PCNX3: variants seen among roughly 807,000 people sequenced by gnomAD.
PCNX3 encodes the protein pecanex 3.
Under a neutral mutation model 207.2 loss-of-function variants are expected in PCNX3, and 58 were observed. The observed-to-expected ratio is 0.28, with a 90% CI of 0.23 to 0.35. The LOEUF (loss-of-function observed/expected upper bound fraction) is 0.35. PCNX3 is among the 10% of genes least tolerant of loss of function. PCNX3 has a pLI of 1.00. For synonymous variants in PCNX3, 1,337 were observed against 1,183.5 expected (o/e 1.13, Z -2.66); for missense variants, 2,410 against 2,774.4 (o/e 0.87, Z 2.95).
At chr11:65,622,031 C>T (rs1172537750) in intron 10 of PCNX3, among the ~76,000 whole-genome samples, 1 of 152,128 alleles carries the variant, frequency 6.6e-6, no homozygotes, top group East Asian at 1.9e-4. Context: ...GTCCTGGGAA[C>T]CTGGAGAGAG....
In PCNX3 at chr11:65,635,505, C is replaced by T. The variant is rs1855795904; in HGVS notation, c.5185-24C>T. 1.9e-6 allele frequency: 3 copies of T among 1,607,962 alleles called. No individual in the cohort carries two copies. The highest frequency in any genetic ancestry group is 3.3e-5 in the Admixed American group (2 of 59,876). Reference sequence around the variant, plus strand: ...CCCCAAACCCCCTTGGGCCGGCCCCCTGACCCTGGCGTGTGGCTCTCAGGT... The same window carrying T: ...CCCCAAACCCCCTTGGGCCGGCCCCTTGACCCTGGCGTGTGGCTCTCAGGT... On this transcript the variant is annotated intron_variant, in intron 31 of 34. Transcript: ENST00000355703. This position sits in a 1 kb window ranked among gnomAD's most constrained non-coding sequence, Gnocchi z 9.9.
At chr11:65,626,191 C>T in intron 20 of PCNX3, 137 bp downstream of exon 20, 1 of 1,225,770 alleles carries the variant, frequency 8.2e-7, no homozygotes, top group South Asian at 1.3e-5. Context: ...TGCTCCCTCC[C>T]TGCCCTCTGT....
chr11:65,637,174 A>C lies in PCNX3; in HGVS notation c.*196A>C. The C allele has an allele frequency of 3.1e-6, 2 of 635,188 alleles. No homozygotes were observed. Among genetic ancestry groups the C allele is most frequent in the Non-Finnish European group, 2.7e-6 (1 of 373,240 alleles). The allele number at this position is 635,188 out of a possible 1,614,324, so 39.3% of individuals were successfully genotyped here. On this transcript the variant is annotated 3_prime_UTR_variant, in exon 35 of 35. Coordinates refer to ENST00000355703, the MANE Select transcript of PCNX3 (RefSeq NM_032223.4). ...CCCTGATCTCTCTCATCCCCAGTCCAGGGCCTGGGCTCCCCAGATGGAGGC... is the reference window on the plus strand; with the variant it reads ...CCCTGATCTCTCTCATCCCCAGTCCCGGGCCTGGGCTCCCCAGATGGAGGC...
rs373145171 is a variant in PCNX3 at position 65,620,940 on chromosome 11, C to T, written c.2209C>T (p.Arg737Cys). 4.1e-5 allele frequency: 63 copies of T among 1,551,108 alleles called. No individual in the cohort carries two copies. The highest frequency in any genetic ancestry group is 2.7e-5 in the African/African-American group (2 of 73,136). The change falls in exon 10 of 35, where the codon CGC becomes TGC. Residue 737 changes from arginine (R) to cysteine (C), a missense_variant. This residue lies in a region of PCNX3 where 177 missense variants were observed against 257.5 expected (regional missense o/e 0.69). Transcript: ENST00000355703. The stretch of plus-strand genomic sequence containing the variant: ...TGTGGTTCTGCAGGGCATGCAGGTG[C>T]GCCGGGTGCCCCTGGAGATCCCGGA... ...RPVVLQGMQV[R>C]RVPLEIPEEQ...
chr11:65,623,900 A>G (rs1192177964), intron 12 of PCNX3, 29 bp from the exon 13 acceptor site: 1 of 1,612,542 alleles, frequency 6.2e-7, no homozygotes, highest in Non-Finnish European at 8.5e-7. Flanking sequence ...CATCGGCTCT[A>G]GTTGCCAACG....
intron 10 of PCNX3, among the ~76,000 whole-genome samples, chr11:65,621,689 C>CCAGGG (rs1366895409): frequency 6.6e-6 from 1 of 152,222 alleles, no homozygotes; most frequent in South Asian, 2.1e-4. Context: ...TCCTTGGATC[C>CCAGGG]CAGGGCAGGG....
chr11:65,636,025 C>T (rs1328420290), intron 32 of PCNX3, 149 bp from the exon 33 acceptor site: 9 of 1,317,368 alleles, frequency 6.8e-6, no homozygotes, highest in East Asian at 2.5e-5. Context: ...TCAAAAGACT[C>T]TGCAAAGTAG....
chr11:65,623,838 A>G lies in PCNX3; in HGVS notation c.2512-91A>G, dbSNP rs1239039151. On this transcript the variant is annotated intron_variant, in intron 12 of 34. Transcript: ENST00000355703. ...CGGGGGCCTGACCTGGTCACTCATA[A>G]CTGCCTAGTGGTGGAGCTGAACAGG... is the stretch of plus-strand genomic sequence containing the variant. 3.2e-6 allele frequency: 5 copies of G among 1,586,410 alleles called. No individual in the cohort carries two copies. The Admixed American group carries it at 8.4e-5, about 27-fold the overall frequency.
chr11:65,636,757 C>G lies in PCNX3; in HGVS notation c.5893-9C>G, dbSNP rs756712326. On this transcript the variant is annotated splice_polypyrimidine_tract_variant and intron_variant, in intron 34 of 34. Coordinates refer to ENST00000355703, the MANE Select transcript of PCNX3 (RefSeq NM_032223.4). The stretch of plus-strand genomic sequence containing the variant: ...CTGCTCACCCGCCAACCTCTCCCCC[C>G]TCCCCCAGGCGCCTCTAGACCTCAG... The G allele has an allele frequency of 7.8e-6, 12 of 1,545,586 alleles. No homozygotes were observed. Among genetic ancestry groups the G allele is most frequent in the South Asian group, 1.2e-5 (1 of 83,940 alleles).
In PCNX3 at chr11:65,635,911, G is replaced by A. The variant is rs987205384; in HGVS notation, c.5459+108G>A. 11 of 1,418,432 alleles carry A rather than the reference G, an allele frequency of 7.8e-6. No homozygotes were observed. Among genetic ancestry groups the A allele is most frequent in the Admixed American group, 2.4e-5 (1 of 41,348 alleles). The allele number at this position is 1,418,432 out of a possible 1,614,324, so 87.9% of individuals were successfully genotyped here. A position where few individuals can be genotyped will look rare whatever the true frequency, so the allele number is the denominator to read the frequency against. ...GTGCTGGAGCCAGGGCTTGAATCCC[G>A]AGAGATGACCCCCTCCCAGAGCTGA... is the stretch of plus-strand genomic sequence containing the variant. On this transcript the variant is annotated intron_variant, in intron 32 of 34. Coordinates refer to ENST00000355703, the MANE Select transcript of PCNX3 (RefSeq NM_032223.4). This position sits in a 1 kb window ranked among gnomAD's most constrained non-coding sequence, Gnocchi z 9.9.
intron 5 of PCNX3, 114 bp downstream of exon 5, chr11:65,617,820 C>T: frequency 6.8e-7 from 1 of 1,462,076 alleles, no homozygotes; most frequent in Non-Finnish European, 9.3e-7. Context: ...GTGGGACCTC[C>T]CCAGTGTGCT....
chr11:65,634,231 T>C lies in PCNX3; in HGVS notation c.4576T>C (p.Ser1526Pro). 6.2e-7 allele frequency: 1 copy of C among 1,613,378 alleles called. No individual in the cohort carries two copies. The highest frequency in any genetic ancestry group is 8.5e-7 in the Non-Finnish European group (1 of 1,179,800). ...RPVRVPGYADSDPTFSLSVDE... is the reference protein window; with the variant it reads ...RPVRVPGYADPDPTFSLSVDE... ...TGTGCGGGTGCCCGGCTATGCCGAC[T>C]CGGATCCCACCTTCTCGCTGAGTGT... The change falls in exon 28 of 35, where the codon TCG becomes CCG. Residue 1526 changes from serine to proline, a missense_variant. Coordinates refer to ENST00000355703, the MANE Select transcript of PCNX3 (RefSeq NM_032223.4).
chr11:65,624,931 C>T lies in PCNX3; in HGVS notation c.2834C>T (p.Thr945Ile), dbSNP rs780589672. 1.2e-5 allele frequency: 19 copies of T among 1,609,058 alleles called. No individual in the cohort carries two copies. The highest frequency in any genetic ancestry group is 1.5e-5 in the Non-Finnish European group (18 of 1,178,724). ...ACTTCTCCCTTCCACACAGCTGCCACCAGCCCGCTCACGGCAGTCTTCAGC... is the reference window on the plus strand; with the variant it reads ...ACTTCTCCCTTCCACACAGCTGCCATCAGCCCGCTCACGGCAGTCTTCAGC... The part of the protein sequence containing the change: ...DMHGFGGTAA[T>I]SPLTAVFSLS... The change falls in exon 16 of 35, where the codon ACC becomes ATC. Residue 945 changes from threonine to isoleucine, a missense_variant. By Grantham distance (89) the Thr-to-Ile change is moderately conservative. Around this residue, in one of 8 missense-constraint regions of PCNX3, gnomAD observed 333 missense variants for 386.8 expected, o/e 0.86. Transcript: ENST00000355703.
chr11:65,622,472 C>G (rs965715301), intron 11 of PCNX3, 106 bp downstream of exon 11: 1 of 1,357,178 alleles, frequency 7.4e-7, no homozygotes, highest in South Asian at 1.5e-5. Flanking sequence ...GAGCCTGACT[C>G]GGGGGAAGCT....
chr11:65,634,757 G>A (rs1392320692), intron 29 of PCNX3, 116 bp downstream of exon 29: 3 of 1,197,636 alleles, frequency 2.5e-6, no homozygotes, highest in Non-Finnish European at 3.5e-6. Context: ...CCTTCCTGTT[G>A]GGGTACCTCT....
chr11:65,617,768 C>G (rs1271458269), intron 5 of PCNX3, 62 bp downstream of exon 5: 2 of 1,533,072 alleles, frequency 1.3e-6, no homozygotes, highest in African/African-American at 1.4e-5. Context: ...TGTTGAATCC[C>G]CTCAACTTTG....
chr11:65,633,103 G>A (rs966797388), intron 27 of PCNX3, among the ~76,000 whole-genome samples: 1 of 152,118 alleles, frequency 6.6e-6, no homozygotes, highest in Non-Finnish European at 1.5e-5. Context: ...TTGTAGAGGC[G>A]AGCTATGGGC....
chr11:65,616,209 T>C lies in PCNX3; in HGVS notation c.-103T>C, dbSNP rs1854718297. The C allele has an allele frequency of 4.2e-6, 4 of 949,700 alleles. No homozygotes were observed. Among genetic ancestry groups the C allele is most frequent in the Non-Finnish European group, 5.8e-6 (4 of 693,508 alleles). 58.8% of individuals were successfully genotyped at this position (949,700 alleles called of 1,614,324 possible). ...GCTGGGGGAGGCCATGGCGTGAGCG[T>C]GAGGCCGGGCCCCGGGGCCCTCAGG... On this transcript the variant is annotated 5_prime_UTR_variant, in exon 1 of 35. Coordinates refer to ENST00000355703, the MANE Select transcript of PCNX3 (RefSeq NM_032223.4).
Position 65,620,856 on chromosome 11 carries a change from T to G in PCNX3, c.2125T>G (p.Phe709Val), listed in dbSNP as rs955233289. 7 of 1,592,374 alleles carry G rather than the reference T, an allele frequency of 4.4e-6. No individual in the cohort carries two copies. Among genetic ancestry groups the G allele is most frequent in the Non-Finnish European group, 5.1e-6 (6 of 1,170,274 alleles). ...AWDRHSHSSS[F>V]HSADVPEATG... ...GGACCGACACTCGCATTCCTCCAGC[T>G]TCCACTCGGCTGATGTCCCTGAGGC... Residue 709 changes from phenylalanine (F) to valine (V), a missense_variant, in exon 10 of 35, where the codon TTC becomes GTC. Physicochemically the swap from Phe to Val is conservative, Grantham distance 50. This residue lies in a region of PCNX3 where 1,104 missense variants were observed against 970.3 expected (regional missense o/e 1.14). Coordinates refer to ENST00000355703, the MANE Select transcript of PCNX3 (RefSeq NM_032223.4).
Sources: gnomAD v4.1 joint callset for allele counts (sites outside exome capture counted in the v4.1 genomes callset) on GRCh38, gnomAD v4.1.1 for gene constraint, gnomAD v4.1.1 regional missense constraint, Gnocchi (gnomAD v3.1) non-coding constraint, MANE v1.5 for transcripts, NCBI Gene and HGNC (gene_info 2026-07-23, HGNC 2026-07-21) for gene names.